Variants in ETV6 observed in about 807,000 individuals in gnomAD.
ETV6 encodes ETS variant transcription factor 6, also known as transcription factor ETV6.
Under a neutral mutation model 51.1 loss-of-function variants are expected in ETV6, and 16 were observed. The observed-to-expected ratio is 0.31, with a 90% CI of 0.21 to 0.48. The LOEUF (loss-of-function observed/expected upper bound fraction) is 0.48, where lower values mean the gene tolerates loss of function less well. ETV6 is among the 20% of genes least tolerant of loss of function. The probability of loss-of-function intolerance (pLI) is 0.99; values close to 1 mark genes in which losing one functional copy is unlikely to be tolerated. For synonymous variants in ETV6, 240 were observed against 224.1 expected, an observed-to-expected ratio of 1.07 and a Z score of -0.64; for missense variants, 458 against 594.8, an observed-to-expected ratio of 0.77 and a Z score of 2.39.
At chr12:11,828,061 C>G (rs1466503210) in intron 2 of ETV6, among the ~76,000 whole-genome samples, 2 of 152,148 alleles carry the variant, frequency 1.3e-5, no homozygotes, top group African/African-American at 4.8e-5. Flanking sequence ...TATCTATTTT[C>G]CTACTTTTTT....
intron 2 of ETV6, among the ~76,000 whole-genome samples, chr12:11,775,416 C>G (rs1945307068): frequency 6.6e-6 from 1 of 152,202 alleles, no homozygotes; most frequent in Non-Finnish European, 1.5e-5. Context: ...GGGGTTAAAC[C>G]ATAAGTCAAA....
At position 11,877,470 on chromosome 12, in the gene ETV6, G is replaced by A. The variant is rs999706266; in HGVS notation, c.1010-6975G>A. Among the ~76,000 whole-genome samples, 8 of 152,260 alleles carry A rather than the reference G, an allele frequency of 5.3e-5. No individual in the cohort carries two copies. In the East Asian group the frequency reaches 7.7e-4, roughly 15 times the overall value. On this transcript the variant is annotated intron_variant, in intron 5 of 7. Transcript: ENST00000396373. ...GGTGTGCAGACACATGTGCACCTTC[G>A]CACACATGCATCTGTGCATAAATAT... is the stretch of plus-strand genomic sequence containing the variant.
At chr12:11,770,006 G>A (rs1230284294) in intron 2 of ETV6, among the ~76,000 whole-genome samples, 6 of 152,138 alleles carry the variant, frequency 3.9e-5, no homozygotes, top group East Asian at 3.8e-4. Context: ...GGCTGTCACC[G>A]GGGCAAGATG....
At chr12:11,761,451 A>G (rs1307466861) in intron 2 of ETV6, among the ~76,000 whole-genome samples, 1 of 152,226 alleles carries the variant, frequency 6.6e-6, no homozygotes, top group East Asian at 1.9e-4. Context: ...ATTATTTTCC[A>G]TCTTTTTTAA....
chr12:11,704,969 C>G (rs1020194881), intron 1 of ETV6, among the ~76,000 whole-genome samples: 5 of 152,152 alleles, frequency 3.3e-5, no homozygotes, highest in African/African-American at 1.2e-4. Context: ...TATGATCTCA[C>G]TTTTATCTGA....
chr12:11,818,230 C>T (rs1419116125), intron 2 of ETV6, among the ~76,000 whole-genome samples: 1 of 152,048 alleles, frequency 6.6e-6, no homozygotes, highest in Non-Finnish European at 1.5e-5. Flanking sequence ...TTCAAAAGAG[C>T]AGTGGGGCTG....
intron 3 of ETV6, among the ~76,000 whole-genome samples, chr12:11,849,948 G>A (rs1460295552): frequency 6.6e-6 from 1 of 152,202 alleles, no homozygotes; most frequent in East Asian, 1.9e-4. Context: ...TGCTGAGCCA[G>A]CCGCATTCCC....
At chr12:11,689,925 C>T (rs1014003599) in intron 1 of ETV6, among the ~76,000 whole-genome samples, 1 of 151,074 alleles carries the variant, frequency 6.6e-6, no homozygotes, top group Non-Finnish European at 1.5e-5. Flanking sequence ...TAACTTCTAG[C>T]AGAAGATAGA....
intron 1 of ETV6, among the ~76,000 whole-genome samples, chr12:11,692,857 CTGGGCAACATGACG>C (rs1864794455): frequency 6.6e-6 from 1 of 151,932 alleles, no homozygotes; most frequent in African/African-American, 2.4e-5. Context: ...CAAGACCAGC[CTGGGCAACATGACG>C]AAGCCATCTC....
Position 11,815,254 on chromosome 12 carries a change from A to G in ETV6, c.164-23886A>G, listed in dbSNP as rs144475319. ...CAGATGAGAAAACAAATTCAAAGAC[A>G]GTGAGTGCCTTAGCTGAGTCCTATC... On this transcript the variant is annotated intron_variant, in intron 2 of 7. Transcript: ENST00000396373. 3.3e-5 allele frequency among the ~76,000 whole-genome samples: 5 copies of G among 152,328 alleles called. No individual in the cohort carries two copies. In the East Asian group the frequency reaches 9.6e-4, roughly 29 times the overall value.
At chr12:11,885,242 G>T (rs1366122694) in intron 6 of ETV6, among the ~76,000 whole-genome samples, 1 of 152,184 alleles carries the variant, frequency 6.6e-6, no homozygotes, top group Non-Finnish European at 1.5e-5. Context: ...ACCCCAATCC[G>T]CTGAGTGAGT....
chr12:11,664,941 A>C (rs2541126), intron 1 of ETV6, among the ~76,000 whole-genome samples: 150,079 of 152,308 alleles, frequency 0.99, 73,977 homozygotes, highest in East Asian at 1. Flanking sequence ...AGCATGAACC[A>C]CAGCTTCTTG....
rs1014349195 is a variant in ETV6, at chr12:11,869,160, C to T, written c.464-264C>T. ...CTGAGGCCGGAGAATGGCATGAACC[C>T]GGGAGGCAGAGCTTGCAGTGAGCCG... is the stretch of plus-strand genomic sequence containing the variant. On this transcript the variant is annotated intron_variant, in intron 4 of 7. Transcript: ENST00000396373. This position sits in a 1 kb window ranked among gnomAD's most constrained non-coding sequence, Gnocchi z 5.0. 2.6e-5 allele frequency among the ~76,000 whole-genome samples: 4 copies of T among 151,462 alleles called. No homozygotes were observed. Among genetic ancestry groups the T allele is most frequent in the African/African-American group, 7.3e-5 (3 of 41,200 alleles).
intron 1 of ETV6, among the ~76,000 whole-genome samples, chr12:11,688,483 A>G (rs1230316543): frequency 6.6e-6 from 1 of 152,150 alleles, no homozygotes; most frequent in Non-Finnish European, 1.5e-5. Context: ...GCCTTAAGGG[A>G]TGGATATCTA....
At chr12:11,678,144 T>C (rs1864456399) in intron 1 of ETV6, among the ~76,000 whole-genome samples, 1 of 152,188 alleles carries the variant, frequency 6.6e-6, no homozygotes. Context: ...GTACCATGCA[T>C]ATAACATCCT....
At chr12:11,756,366 A>C (rs2121085793) in intron 2 of ETV6, among the ~76,000 whole-genome samples, 1 of 152,306 alleles carries the variant, frequency 6.6e-6, no homozygotes, top group East Asian at 1.9e-4. Context: ...TGTTGAGAGG[A>C]TAGAAAGGGC....
rs58666835 is a variant in ETV6 at position 11,696,258 on chromosome 12, A to G, written c.33+46098A>G. Among the ~76,000 whole-genome samples the G allele has an allele frequency of 1.2e-3, 180 of 152,252 alleles. 1 individual carries two copies. Among genetic ancestry groups the G allele is most frequent in the African/African-American group, 4.1e-3 (171 of 41,548 alleles). ...GTTTGTTCTCCTTCCACTAGTACGT[A>G]CACTCCATGGGAACAGTGATTTTCA... On this transcript the variant is annotated intron_variant, in intron 1 of 7. Transcript: ENST00000396373.
intron 3 of ETV6, chr12:11,840,889 CA>C (rs1278772935): frequency 5.9e-6 from 1 of 170,038 alleles, no homozygotes; most frequent in Non-Finnish European, 1.3e-5. Context: ...GAATTTATTA[CA>C]AAATACTTCC....
rs373204665 is a variant in ETV6, at chr12:11,763,253, C to A, written c.163+10674C>A. 5.9e-4 allele frequency among the ~76,000 whole-genome samples: 90 copies of A among 152,350 alleles called. 4 individuals are homozygous for A. The highest frequency in any genetic ancestry group is 2.0e-3 in the African/African-American group (85 of 41,578). ...TCACAAAGTCCCCTCTCTGAACAGA[C>A]GCAGTTCTCGTTCCCCTATTTACAA... is the stretch of plus-strand genomic sequence containing the variant. On this transcript the variant is annotated intron_variant, in intron 2 of 7. Transcript: ENST00000396373.
Sources: gnomAD v4.1 joint callset for allele counts (sites outside exome capture counted in the v4.1 genomes callset) on GRCh38, gnomAD v4.1.1 for gene constraint, Gnocchi (gnomAD v3.1) non-coding constraint, MANE v1.5 for transcripts, NCBI Gene and HGNC (gene_info 2026-07-23, HGNC 2026-07-21) for gene names.